Variants in ZNF722 observed in about 807,000 individuals in gnomAD.
ZNF722 encodes zinc finger protein 722, also known as zinc finger protein 479 pseudogene.
At chr7:64,003,142 C>T in the ZNF722 span, among the ~76,000 whole-genome samples, 5 of 152,160 alleles carry the variant, frequency 3.3e-5, no homozygotes, top group African/African-American at 1.2e-4. Context: ...AGGAAGGCTG[C>T]ACTGCCTGCC....
At chr7:64,013,514 C>T in the ZNF722 span, among the ~76,000 whole-genome samples, 1 of 151,456 alleles carries the variant, frequency 6.6e-6, no homozygotes, top group East Asian at 1.9e-4. Context: ...ACATTTTAAA[C>T]TGGTAAAAAA....
chr7:64,010,021 T>G, the ZNF722 span, among the ~76,000 whole-genome samples: 1 of 152,208 alleles, frequency 6.6e-6, no homozygotes. Flanking sequence ...TTTTCTAGTT[T>G]ATTTGTGTAG....
the ZNF722 span, among the ~76,000 whole-genome samples, chr7:64,010,634 A>G: frequency 6.6e-6 from 1 of 152,130 alleles, no homozygotes; most frequent in Non-Finnish European, 1.5e-5. Flanking sequence ...CTGTTCTTTT[A>G]CATTTGCTGA....
the ZNF722 span, chr7:64,015,855 A>T: frequency 1.3e-6 from 2 of 1,591,052 alleles, no homozygotes; most frequent in Non-Finnish European, 1.7e-6. Flanking sequence ...AGCTTTTAAG[A>T]GGCATTCAAG....
At chr7:64,005,860 G>T in the ZNF722 span, 1 of 966,126 alleles carries the variant, frequency 1.0e-6, no homozygotes, top group Non-Finnish European at 1.5e-6. Context: ...AAAATCTTGG[G>T]GATTCATTGG....
At chr7:64,013,792 C>A in the ZNF722 span, among the ~76,000 whole-genome samples, 8,492 of 152,110 alleles carry the variant, frequency 0.056, 333 homozygotes, top group Non-Finnish European at 0.08. Context: ...GGAAAGACCT[C>A]TTTTCAGCAT....
chr7:64,007,822 T>A, the ZNF722 span, among the ~76,000 whole-genome samples: 2 of 152,162 alleles, frequency 1.3e-5, no homozygotes, highest in Admixed American at 1.3e-4. Flanking sequence ...CGCCACACTG[T>A]CTTCCACAAT....
At chr7:64,008,046 G>C in the ZNF722 span, among the ~76,000 whole-genome samples, 1 of 152,172 alleles carries the variant, frequency 6.6e-6, no homozygotes, top group African/African-American at 2.4e-5. Context: ...ATCTTCTTTT[G>C]AGAAGTGTCT....
chr7:64,000,936 C>A, the ZNF722 span, among the ~76,000 whole-genome samples: 3 of 151,920 alleles, frequency 2.0e-5, no homozygotes, highest in Non-Finnish European at 4.4e-5. Flanking sequence ...ACCACCACAT[C>A]CAACTAATTT....
chr7:64,005,890 G>A, the ZNF722 span, among the ~76,000 whole-genome samples: 3 of 152,086 alleles, frequency 2.0e-5, no homozygotes, highest in African/African-American at 4.8e-5. Context: ...GATTCTTCAC[G>A]ATGTTTTATC....
the ZNF722 span, among the ~76,000 whole-genome samples, chr7:63,999,961 A>C: frequency 6.6e-6 from 1 of 151,872 alleles, no homozygotes; most frequent in Non-Finnish European, 1.5e-5. Flanking sequence ...CTCCCAAAGC[A>C]TTTGCATTAC....
chr7:64,015,298 G>C, the ZNF722 span: 1 of 1,262,048 alleles, frequency 7.9e-7, no homozygotes, highest in Admixed American at 1.8e-5. Flanking sequence ...CATGAAACAA[G>C]ATATACTGGA....
the ZNF722 span, chr7:64,014,968 G>C: frequency 3.5e-6 from 4 of 1,156,476 alleles, no homozygotes; most frequent in Non-Finnish European, 5.0e-6. Flanking sequence ...TATTCGATTT[G>C]TAAAGTATAT....
chr7:64,006,338 A>AGCAGATGAC, the ZNF722 span: 3 of 1,269,898 alleles, frequency 2.4e-6, no homozygotes, highest in East Asian at 7.6e-5. Context: ...GAGCGAATGA[A>AGCAGATGAC]GCAGATGACA....
chr7:64,004,421 A>ATATATATATATAT, the ZNF722 span, among the ~76,000 whole-genome samples: 1 of 69,442 alleles, frequency 1.4e-5, no homozygotes, highest in African/African-American at 6.6e-5. Flanking sequence ...AAAAAAAAAA[A>ATATATATATATAT]AAAAATATAT....
the ZNF722 span, among the ~76,000 whole-genome samples, chr7:64,001,778 T>C: frequency 2.0e-5 from 3 of 152,208 alleles, no homozygotes; most frequent in African/African-American, 7.2e-5. Flanking sequence ...TTTGACTTTT[T>C]AGTCTAATTG....
the ZNF722 span, among the ~76,000 whole-genome samples, chr7:64,001,448 T>C: frequency 6.6e-6 from 1 of 152,222 alleles, no homozygotes; most frequent in South Asian, 2.1e-4. Context: ...AGCTGCATCA[T>C]ATTTCATGGT....
chr7:64,009,637 G>A, the ZNF722 span, among the ~76,000 whole-genome samples: 7 of 152,064 alleles, frequency 4.6e-5, no homozygotes, highest in East Asian at 1.9e-4. Context: ...TGCTGGATTC[G>A]GTTTGCCAGT....
the ZNF722 span, among the ~76,000 whole-genome samples, chr7:64,010,473 T>C: frequency 6.6e-6 from 1 of 152,174 alleles, no homozygotes; most frequent in African/African-American, 2.4e-5. Flanking sequence ...AAAGAACATC[T>C]TTATTTCTGC....
Sources: gnomAD v4.1 joint callset for allele counts (sites outside exome capture counted in the v4.1 genomes callset) on GRCh38, gnomAD v4.1.1 for gene constraint, MANE v1.5 for transcripts, NCBI Gene and HGNC (gene_info 2026-07-23, HGNC 2026-07-21) for gene names.